P2RX7: variants seen among roughly 807,000 people sequenced by gnomAD.
The protein encoded by P2RX7 is P2X purinoceptor 7.
In P2RX7, 62 loss-of-function variants were observed where a neutral mutation model predicts 71.6. The ratio of observed to expected loss-of-function variants is 0.87; its 90% CI spans 0.71 to 1.07. The LOEUF (loss-of-function observed/expected upper bound fraction) is 1.07, where lower values mean the gene tolerates loss of function less well. Ranked by LOEUF, P2RX7 falls within the 50% of genes least tolerant of loss-of-function variation. The pLI, the probability that P2RX7 is intolerant of heterozygous loss-of-function variation, is 0.00. For missense variants in P2RX7, 686 were observed against 748.5 expected (o/e 0.92, Z 0.97); for synonymous variants, 299 against 283.3 (o/e 1.06, Z -0.56).
At chr12:121,157,920 G>C (rs909700317) in intron 3 of P2RX7, among the ~76,000 whole-genome samples, 7 of 152,202 alleles carry the variant, frequency 4.6e-5, no homozygotes, top group African/African-American at 1.4e-4. Flanking sequence ...AATGTCAGTT[G>C]TTATGATTCA....
intron 2 of P2RX7, 60 bp from the exon 3 acceptor site, chr12:121,156,019 A>T: frequency 7.0e-7 from 1 of 1,432,144 alleles, no homozygotes; most frequent in Non-Finnish European, 9.8e-7. Context: ...CTGGATTATT[A>T]TAATTAAGTA....
At chr12:121,146,204 GC>G (rs747167774) in intron 1 of P2RX7, among the ~76,000 whole-genome samples, 1 of 150,632 alleles carries the variant, frequency 6.6e-6, no homozygotes, top group South Asian at 2.1e-4. Flanking sequence ...CATCCTACGG[GC>G]CCTGTGCTCC....
chr12:121,138,184 G>A (rs7959194), intron 1 of P2RX7, among the ~76,000 whole-genome samples: 13,051 of 152,228 alleles, frequency 0.086, 704 homozygotes, highest in Non-Finnish European at 0.096. Context: ...TTGAAGAGAT[G>A]GTGCTGTCCT....
rs977877793 is a variant in P2RX7, at chr12:121,186,090, C to G, written c.*1288C>G. 1.3e-5 allele frequency: 2 copies of G among 152,964 alleles called. No homozygotes were observed. Among genetic ancestry groups the G allele is most frequent in the Admixed American group, 1.3e-4 (2 of 15,242 alleles). 9.5% of individuals were successfully genotyped at this position (152,964 alleles called of 1,614,324 possible). A position where few individuals can be genotyped will look rare whatever the true frequency, so the allele number is the denominator to read the frequency against. ...AAAGAAAAAAAAAATGTCTGCCTAT[C>G]CTGAGACTGCCCTGCTGTGAGGAAG... On this transcript the variant is annotated 3_prime_UTR_variant, in exon 13 of 13. Coordinates refer to ENST00000328963, the MANE Select transcript of P2RX7 (RefSeq NM_002562.6).
intron 1 of P2RX7, among the ~76,000 whole-genome samples, chr12:121,136,023 A>AATATATATATATATATATATATATATAT (rs1555222078): frequency 5.2e-4 from 8 of 15,246 alleles, no homozygotes; most frequent in Non-Finnish European, 1.3e-3. Flanking sequence ...AAAAAAAAAA[A>AATATATATATATATATATATATATATAT]ATATATATAT....
rs199500783 is a variant in P2RX7, at chr12:121,167,607, C to T, written c.864C>T (p.Tyr288=). 9 of 1,592,970 alleles carry T rather than the reference C, an allele frequency of 5.6e-6. No individual in the cohort carries two copies. The East Asian group carries it at 2.1e-4, about 36-fold the overall frequency. ...LDDKTTNVSL[Y]PGYNFRYAKY... is the part of the protein sequence containing the mutation. ...ACAAGACCACCAACGTGTCCTTGTA[C>T]CCTGGCTACAACTTCAGGTAACTCC... The change falls in exon 8 of 13, where the codon TAC becomes TAT. Residue 288 remains tyrosine (Y), a synonymous_variant. Transcript: ENST00000328963.
rs564530205 is a variant in P2RX7, at chr12:121,156,394, G to A, written c.363+247G>A. Among the ~76,000 whole-genome samples, 13 of 152,338 alleles carry A rather than the reference G, an allele frequency of 8.5e-5. No individual in the cohort carries two copies. In the South Asian group the frequency reaches 2.5e-3, roughly 29 times the overall value. ...TCTCTGGTTCTAGCACTAGGGACCC[G>A]TGCAGACGGCAACCCTGCTCTTTCT... On this transcript the variant is annotated intron_variant, in intron 3 of 12. Transcript: ENST00000328963.
chr12:121,138,768 A>G (rs751167939), intron 1 of P2RX7, among the ~76,000 whole-genome samples: 26 of 152,048 alleles, frequency 1.7e-4, no homozygotes, highest in African/African-American at 5.6e-4. Context: ...CTGACCCCCT[A>G]TTCTTACCTC....
intron 1 of P2RX7, among the ~76,000 whole-genome samples, chr12:121,133,697 G>A (rs994268881): frequency 7.2e-5 from 11 of 152,054 alleles, no homozygotes; most frequent in Non-Finnish European, 1.0e-4. Context: ...GACTCAAAAG[G>A]AATCCCACAC....
chr12:121,161,952 A>C (rs542237129), intron 4 of P2RX7, among the ~76,000 whole-genome samples: 2 of 152,324 alleles, frequency 1.3e-5, no homozygotes, highest in East Asian at 3.9e-4. Context: ...AGTTATTTTA[A>C]CATTGCTCAC....
chr12:121,173,114 G>A (rs906039090), intron 8 of P2RX7, among the ~76,000 whole-genome samples: 4 of 152,134 alleles, frequency 2.6e-5, no homozygotes, highest in East Asian at 1.9e-4. Flanking sequence ...TGTGCCTGGC[G>A]CTTAATTTTT....
intron 1 of P2RX7, among the ~76,000 whole-genome samples, chr12:121,148,647 G>T (rs1360016615): frequency 6.6e-6 from 1 of 152,184 alleles, no homozygotes; most frequent in African/African-American, 2.4e-5. Flanking sequence ...GTGGTAATTT[G>T]TTAGAGCAAC....
At chr12:121,140,398 G>A (rs1874603472) in intron 1 of P2RX7, among the ~76,000 whole-genome samples, 1 of 152,118 alleles carries the variant, frequency 6.6e-6, no homozygotes, top group Non-Finnish European at 1.5e-5. Context: ...GTTTCTAGAA[G>A]CCTTATGGGC....
chr12:121,159,704 G>T (rs1484473200), intron 3 of P2RX7, among the ~76,000 whole-genome samples: 1 of 152,114 alleles, frequency 6.6e-6, no homozygotes, highest in South Asian at 2.1e-4. Context: ...CATAAACCAG[G>T]GCAGCTCATT....
intron 1 of P2RX7, among the ~76,000 whole-genome samples, chr12:121,139,194 G>A (rs1365970416): frequency 1.3e-5 from 2 of 152,162 alleles, no homozygotes; most frequent in Non-Finnish European, 2.9e-5. Flanking sequence ...TGCCCGCCTC[G>A]GCCTGTCAAA....
intron 8 of P2RX7, among the ~76,000 whole-genome samples, chr12:121,175,167 C>T (rs1035310234): frequency 2.1e-5 from 3 of 145,256 alleles, no homozygotes; most frequent in East Asian, 2.0e-4. Flanking sequence ...AAAAATTAGC[C>T]GAGCACGGTG....
rs1368584716 is a variant in P2RX7 at position 121,149,963 on chromosome 12, A to G, written c.126-4822A>G. On this transcript the variant is annotated intron_variant, in intron 1 of 12. Coordinates refer to ENST00000328963, the MANE Select transcript of P2RX7 (RefSeq NM_002562.6). This position sits in a 1 kb window ranked among gnomAD's most constrained non-coding sequence, Gnocchi z 4.7. ...AGCGGCTTTGCCTTCTACAGAATGC[A>G]TAACATTATAGCCTCTTAGAGCAAA... Among the ~76,000 whole-genome samples the G allele has an allele frequency of 6.6e-6, 1 of 152,188 alleles. No homozygotes were observed. The highest frequency in any genetic ancestry group is 2.4e-5 in the African/African-American group (1 of 41,458).
intron 1 of P2RX7, among the ~76,000 whole-genome samples, chr12:121,134,688 G>A (rs1041594896): frequency 1.3e-5 from 2 of 152,014 alleles, no homozygotes; most frequent in African/African-American, 2.4e-5. Flanking sequence ...CGCCACGCCC[G>A]GCTGATTGTC....
At position 121,185,383 on chromosome 12, in the gene P2RX7, A is replaced by G. The variant is rs1322298951; in HGVS notation, c.*581A>G. On this transcript the variant is annotated 3_prime_UTR_variant, in exon 13 of 13. Coordinates refer to ENST00000328963, the MANE Select transcript of P2RX7 (RefSeq NM_002562.6). ...CTGTGCCTCTGTCTCCTTGTTGCCCAACTACTATCTCAGAGATATTGTGAG... is the reference window on the plus strand; with the variant it reads ...CTGTGCCTCTGTCTCCTTGTTGCCCGACTACTATCTCAGAGATATTGTGAG... The G allele has an allele frequency of 6.5e-6, 1 of 152,998 alleles. No homozygotes were observed. Among genetic ancestry groups the G allele is most frequent in the East Asian group, 1.9e-4 (1 of 5,192 alleles). The allele number at this position is 152,998 out of a possible 1,614,324, so 9.5% of individuals were successfully genotyped here. A position where few individuals can be genotyped will look rare whatever the true frequency, so the allele number is the denominator to read the frequency against.
Sources: gnomAD v4.1 joint callset for allele counts (sites outside exome capture counted in the v4.1 genomes callset) on GRCh38, gnomAD v4.1.1 for gene constraint, Gnocchi (gnomAD v3.1) non-coding constraint, MANE v1.5 for transcripts, NCBI Gene and HGNC (gene_info 2026-07-23, HGNC 2026-07-21) for gene names.